Variants in SLA observed in about 807,000 individuals in gnomAD.
SLA encodes the protein Src like adaptor.
A neutral mutation model predicts 30.3 loss-of-function variants in SLA; 16 were observed. The ratio of observed to expected loss-of-function variants is 0.53; its 90% confidence interval spans 0.36 to 0.80. The LOEUF (loss-of-function observed/expected upper bound fraction) is 0.80, where lower values mean the gene tolerates loss of function less well. SLA is among the 30% of genes least tolerant of loss of function. The pLI is 0.01. For synonymous variants in SLA, 143 were observed against 137.8 expected (o/e 1.04, Z -0.26); for missense variants, 310 against 345.2 (o/e 0.90, Z 0.81).
chr8:133,054,831 G>A (rs1364352719), intron 3 of SLA, among the ~76,000 whole-genome samples: 1 of 152,192 alleles, frequency 6.6e-6, no homozygotes, highest in Non-Finnish European at 1.5e-5. Context: ...AGGCCTTACG[G>A]GACTTAGTCA....
chr8:133,095,669 G>A (rs926500144), intron 1 of SLA, among the ~76,000 whole-genome samples: 8 of 152,190 alleles, frequency 5.3e-5, no homozygotes, highest in African/African-American at 1.9e-4. Flanking sequence ...TCCCTTTATA[G>A]CATGCAAAGT....
chr8:133,045,237 C>T, intron 6 of SLA, 122 bp from the exon 7 acceptor site: 1 of 962,432 alleles, frequency 1.0e-6, no homozygotes. Context: ...AACAGTGATG[C>T]TAGGATGCAG....
At chr8:133,039,682 A>G (rs1371102060) in intron 8 of SLA, among the ~76,000 whole-genome samples, 1 of 152,206 alleles carries the variant, frequency 6.6e-6, no homozygotes, top group Non-Finnish European at 1.5e-5. Context: ...CTAGGATCCT[A>G]ACAATTAGAA....
At chr8:133,097,609 C>A (rs561422746) in intron 1 of SLA, among the ~76,000 whole-genome samples, 4 of 152,208 alleles carry the variant, frequency 2.6e-5, no homozygotes, top group African/African-American at 9.6e-5. Flanking sequence ...AAAAACCAAC[C>A]TGTATATATC....
intron 4 of SLA, chr8:133,050,551 T>A (rs1214722684): frequency 2.6e-6 from 1 of 383,782 alleles, no homozygotes; most frequent in Admixed American, 4.3e-5. Flanking sequence ...AAGAAGAATA[T>A]GAGAAGAGGC....
intron 5 of SLA, chr8:133,049,218 T>C (rs1201774822): frequency 2.2e-6 from 1 of 447,708 alleles, no homozygotes; most frequent in East Asian, 7.0e-5. Context: ...TTTTCTTATC[T>C]GTTGAGCCTA....
At chr8:133,080,254 T>C (rs1029858122) in intron 1 of SLA, among the ~76,000 whole-genome samples, 1 of 152,166 alleles carries the variant, frequency 6.6e-6, no homozygotes, top group African/African-American at 2.4e-5. Context: ...GGAATGAATA[T>C]TGGGGAAATG....
chr8:133,071,261 TTG>T (rs1357276943), intron 2 of SLA, among the ~76,000 whole-genome samples: 1 of 152,222 alleles, frequency 6.6e-6, no homozygotes, highest in Non-Finnish European at 1.5e-5. Flanking sequence ...CTGAGGCCTT[TTG>T]TCTAACCGGG....
chr8:133,047,420 GTTCTCTCCATTTCACAGAT>G, intron 6 of SLA: 1 of 195,708 alleles, frequency 5.1e-6, no homozygotes, highest in Non-Finnish European at 1.1e-5. Flanking sequence ...AGGGAGAGGT[GTTCTCTCCATTTCACAGAT>G]GAGAAAACTG....
At chr8:133,097,390 T>A in intron 1 of SLA, among the ~76,000 whole-genome samples, 1 of 152,234 alleles carries the variant, frequency 6.6e-6, no homozygotes, top group African/African-American at 2.4e-5. Context: ...CATTGATTAT[T>A]GTGGCAAAAA....
intron 3 of SLA, among the ~76,000 whole-genome samples, chr8:133,055,365 G>GCACA (rs869172140): frequency 7.7e-4 from 48 of 62,264 alleles, no homozygotes; most frequent in East Asian, 2.8e-3. Context: ...ACGCACGCGC[G>GCACA]CACACACACA....
chr8:133,095,324 A>T, intron 1 of SLA: 1 of 1,421,196 alleles, frequency 7.0e-7, no homozygotes. Context: ...GAGGCTGATG[A>T]CCAACTGGAG....
chr8:133,049,838 C>T lies in SLA; in HGVS notation c.248+64G>A, dbSNP rs557197091. ...CACTATGAATGCTGGAATCTTTGTT[C>T]CACCTTATGAGTCACCAGCATACGC... On this transcript the variant is annotated intron_variant, in intron 5 of 8. Coordinates refer to ENST00000338087, the MANE Select transcript of SLA (RefSeq NM_001045556.3). 208 of 1,072,604 alleles carry T rather than the reference C, an allele frequency of 1.9e-4. 2 individuals are homozygous for T. In the Middle Eastern group the frequency reaches 2.4e-3, roughly 12 times the overall value. The allele number at this position is 1,072,604 out of a possible 1,614,324, so 66.4% of individuals were successfully genotyped here. A position where few individuals can be genotyped will look rare whatever the true frequency, so the allele number is the denominator to read the frequency against.
At chr8:133,093,147 T>TCTTTTCTTTTCTTTTCTTTTC (rs1564180977) in intron 1 of SLA, among the ~76,000 whole-genome samples, 10 of 149,788 alleles carry the variant, frequency 6.7e-5, no homozygotes, top group African/African-American at 2.3e-4. Flanking sequence ...TTCTTTTTTT[T>TCTTTTCTTTTCTTTTCTTTTC]TTTTAATTTA....
chr8:133,047,669 C>G, intron 6 of SLA, 161 bp downstream of exon 6: 1 of 644,390 alleles, frequency 1.6e-6, no homozygotes, highest in Non-Finnish European at 2.8e-6. Context: ...TGCTTCCCCA[C>G]TGGCCTCCCC....
At chr8:133,082,164 G>A (rs151242765) in intron 1 of SLA, among the ~76,000 whole-genome samples, 157 of 152,280 alleles carry the variant, frequency 1.0e-3, no homozygotes, top group Non-Finnish European at 1.8e-3. Flanking sequence ...GTGTTGTCAG[G>A]CCGCATGAAG....
intron 2 of SLA, among the ~76,000 whole-genome samples, chr8:133,067,324 T>C (rs1276677916): frequency 1.3e-5 from 2 of 152,034 alleles, no homozygotes; most frequent in African/African-American, 2.4e-5. Flanking sequence ...TTCTCCTTTC[T>C]CTACACTGCA....
chr8:133,085,761 T>C (rs1340852001), intron 1 of SLA, among the ~76,000 whole-genome samples: 1 of 152,232 alleles, frequency 6.6e-6, no homozygotes, highest in African/African-American at 2.4e-5. Flanking sequence ...CATTCTTTTA[T>C]TGCTGGTGGG....
At chr8:133,076,179 C>T (rs1844832698) in intron 1 of SLA, 1 of 152,242 alleles carries the variant, frequency 6.6e-6, no homozygotes. Context: ...CTCACAGCCC[C>T]TCACACCTCA....
Sources: allele counts gnomAD v4.1 joint callset (sites outside exome capture counted in the v4.1 genomes callset), GRCh38; gene constraint gnomAD v4.1.1; transcripts MANE v1.5; gene names NCBI Gene and HGNC (gene_info 2026-07-23, HGNC 2026-07-21).